Variants in COX18 observed in about 807,000 individuals in gnomAD.
COX18 encodes the protein cytochrome c oxidase assembly factor COX18, also known as cytochrome c oxidase assembly protein COX18, mitochondrial.
In COX18, 45 loss-of-function variants were observed where a neutral mutation model predicts 38.0. The ratio of observed to expected loss-of-function variants is 1.18; its 90% CI spans 0.93 to 1.52. COX18 has a LOEUF of 1.52. COX18 is among the 40% of genes most tolerant of loss of function. COX18 has a pLI of 0.00. For synonymous variants in COX18, 177 were observed against 169.8 expected (o/e 1.04, Z -0.33); for missense variants, 462 against 423.8 (o/e 1.09, Z -0.79).
At position 73,058,284 on chromosome 4, in the gene COX18, T is replaced by C. The variant is rs137890258; in HGVS notation, c.835A>G (p.Ile279Val). 50 of 1,603,622 alleles carry C rather than the reference T, an allele frequency of 3.1e-5. No homozygotes were observed. The highest frequency in any genetic ancestry group is 2.0e-4 in the African/African-American group (15 of 74,352). The change falls in exon 6 of 6, where the codon ATT becomes GTT. Residue 279 changes from isoleucine to valine, a missense_variant. Ile to Val is a conservative substitution (Grantham distance 29). Coordinates refer to ENST00000507544, the MANE Select transcript of COX18 (RefSeq NM_001297732.2). ...CTGGAGCATAACCAGTAGAGAACAA[T>C]TGACTATAAAGAGAAGACATAAATG... ...IPIAATVPSS[I>V]VLYWLCSSFV...
intron 2 of COX18, among the ~76,000 whole-genome samples, 188 bp downstream of exon 2, chr4:73,067,841 C>CAAA (rs1553907450): frequency 0.03 from 59 of 1,996 alleles, 22 homozygotes; most frequent in African/African-American, 0.054. Flanking sequence ...AACTCCGTCT[C>CAAA]AAAAAAAAAA....
At chr4:73,062,810 C>T (rs1231778477) in intron 4 of COX18, among the ~76,000 whole-genome samples, 1 of 150,538 alleles carries the variant, frequency 6.6e-6, no homozygotes, top group Admixed American at 6.7e-5. Context: ...GCACTCCAGC[C>T]TGGGTGACAG....
At chr4:73,064,653 C>A in intron 4 of COX18, 125 bp downstream of exon 4, 1 of 1,113,790 alleles carries the variant, frequency 9.0e-7, no homozygotes, top group Non-Finnish European at 1.3e-6. Flanking sequence ...GAACCAGGAA[C>A]CAAGGGATCT....
intron 4 of COX18, among the ~76,000 whole-genome samples, chr4:73,062,910 T>C (rs1014499917): frequency 1.3e-5 from 2 of 152,228 alleles, no homozygotes; most frequent in Non-Finnish European, 2.9e-5. Context: ...TACGTAGTTT[T>C]ACATTTTTAT....
intron 1 of COX18, among the ~76,000 whole-genome samples, chr4:73,068,905 TAAGA>T (rs1438133088): frequency 6.6e-6 from 1 of 152,222 alleles, no homozygotes; most frequent in African/African-American, 2.4e-5. Flanking sequence ...TTCTTCCTAA[TAAGA>T]AAGACCAGCT....
Position 73,068,131 on chromosome 4 carries a change from T to A in COX18, c.334-2A>T, listed in dbSNP as rs1419609611. The A allele has an allele frequency of 6.2e-7, 1 of 1,602,378 alleles. No individual in the cohort carries two copies. The highest frequency in any genetic ancestry group is 1.1e-5 in the South Asian group (1 of 89,980). On this transcript the variant is annotated splice_acceptor_variant, in intron 1 of 5. Transcript: ENST00000507544. LOFTEE classifies it high-confidence loss of function. ...TATTTCTGGCTGCAAATTTTCCACC[T>A]AGCTAAAAAATAGGTTTTGTTATGA...
chr4:73,061,908 G>T lies in COX18; in HGVS notation c.736C>A (p.Gln246Lys). Residue 246 changes from glutamine (Q) to lysine (K), a missense_variant, in exon 5 of 6, where the codon CAA becomes AAA. Transcript: ENST00000507544. The part of the protein sequence containing the change: ...NLLIVEICAL[Q>K]KIGMSRFQTY... ...TGAAAACGAGACATTCCAATTTTTT[G>T]TAGAGCACAAATCTGAAGGGGTAGA... 6.3e-7 allele frequency: 1 copy of T among 1,599,450 alleles called. No homozygotes were observed. The highest frequency in any genetic ancestry group is 8.6e-7 in the Non-Finnish European group (1 of 1,167,198).
rs1176037661 is a variant in COX18 at position 73,056,716 on chromosome 4, G to C, written c.*1398C>G. 1 of 152,112 alleles carries C rather than the reference G, an allele frequency of 6.6e-6. No homozygotes were observed. The highest frequency in any genetic ancestry group is 2.1e-4 in the South Asian group (1 of 4,828). 9.4% of individuals were successfully genotyped at this position (152,112 alleles called of 1,614,324 possible). ...GCCAGAAAATCTTCCTGGTAACAAG[G>C]AAGTCCCCGTATTGTGAGTCTTAAG... is the stretch of plus-strand genomic sequence containing the variant. On this transcript the variant is annotated 3_prime_UTR_variant, in exon 6 of 6. Transcript: ENST00000507544.
chr4:73,054,141 C>T lies in COX18; in HGVS notation c.*3973G>A, dbSNP rs1299623804. 1 of 152,170 alleles carries T rather than the reference C, an allele frequency of 6.6e-6. No individual in the cohort carries two copies. Among genetic ancestry groups the T allele is most frequent in the African/African-American group, 2.4e-5 (1 of 41,438 alleles). The allele number at this position is 152,170 out of a possible 1,614,324, so 9.4% of individuals were successfully genotyped here. On this transcript the variant is annotated 3_prime_UTR_variant, in exon 6 of 6. Transcript: ENST00000507544. ...CAGTCCTCATCTAAGGAGACAAAAA[C>T]CTTCCTGAACTCTGCAGGGCCCAGC...
At chr4:73,062,458 T>C (rs1720220765) in intron 4 of COX18, among the ~76,000 whole-genome samples, 1 of 152,196 alleles carries the variant, frequency 6.6e-6, no homozygotes, top group African/African-American at 2.4e-5. Context: ...ATGATTTATA[T>C]GGTAGCTATT....
Position 73,055,429 on chromosome 4 carries a change from T to C in COX18, c.*2685A>G, listed in dbSNP as rs1438163487. ...TTGTCAACAGAACAATGCAACATAT[T>C]GTTGATTCAGTAACACTGAACTCTC... On this transcript the variant is annotated 3_prime_UTR_variant, in exon 6 of 6. Transcript: ENST00000507544. 1 of 152,228 alleles carries C rather than the reference T, an allele frequency of 6.6e-6. No homozygotes were observed. Among genetic ancestry groups the C allele is most frequent in the African/African-American group, 2.4e-5 (1 of 41,446 alleles). The allele number at this position is 152,228 out of a possible 1,614,324, so 9.4% of individuals were successfully genotyped here.
Position 73,058,167 on chromosome 4 carries a change from G to A in COX18, c.952C>T (p.Pro318Ser). ...IPSTKSDSET[P>S]YKDIFAAFNT... The stretch of plus-strand genomic sequence containing the variant: ...AAGGCAGCAAATATGTCTTTATAAG[G>A]AGTTTCTGAATCTGACTTGGTCGAT... The change falls in exon 6 of 6, where the codon CCT becomes TCT. Residue 318 changes from proline (P) to serine (S), a missense_variant. By Grantham distance (74) the Pro-to-Ser change is moderately conservative. Coordinates refer to ENST00000507544, the MANE Select transcript of COX18 (RefSeq NM_001297732.2). 1 of 1,612,732 alleles carries A rather than the reference G, an allele frequency of 6.2e-7. No individual in the cohort carries two copies. The highest frequency in any genetic ancestry group is 8.5e-7 in the Non-Finnish European group (1 of 1,179,354).
chr4:73,062,008 T>TTC (rs1720194636), intron 4 of COX18, 88 bp from the exon 5 acceptor site: 22 of 535,270 alleles, frequency 4.1e-5, no homozygotes, highest in South Asian at 1.1e-4. Context: ...GATTTTTCAC[T>TTC]GGCCTCCATC....
At position 73,060,879 on chromosome 4, in the gene COX18, CAA is replaced by C. The variant is rs34253453; in HGVS notation, c.831+932_831+933del. 7.0e-3 allele frequency among the ~76,000 whole-genome samples: 888 copies of C among 127,350 alleles called. 3 individuals are homozygous for C. The highest frequency in any genetic ancestry group is 0.014 in the African/African-American group (468 of 34,224). 83.5% of individuals were successfully genotyped at this position (127,350 alleles called of 152,430 possible). ...TGGGCGACAGAGCAAGACTCCATCT[CAA>C]AAAAAAAAAAAAAAAATACTGTGAG... On this transcript the variant is annotated intron_variant, in intron 5 of 5. Transcript: ENST00000507544.
At chr4:73,065,446 G>C in intron 2 of COX18, 33 bp from the exon 3 acceptor site, 1 of 1,564,480 alleles carries the variant, frequency 6.4e-7, no homozygotes, top group Non-Finnish European at 8.7e-7. Context: ...AAAGGGGAAA[G>C]AGAAAATGTC....
chr4:73,067,090 A>G (rs1356296907), intron 2 of COX18, among the ~76,000 whole-genome samples: 1 of 152,202 alleles, frequency 6.6e-6, no homozygotes, highest in African/African-American at 2.4e-5. Flanking sequence ...CTTGGGCGCA[A>G]TCAAGCACCC....
chr4:73,058,835 G>A (rs781187525), intron 5 of COX18, among the ~76,000 whole-genome samples: 3 of 152,056 alleles, frequency 2.0e-5, no homozygotes, highest in Non-Finnish European at 4.4e-5. Context: ...CTTGAGCAGT[G>A]GTCCCCAACA....
Position 73,065,258 on chromosome 4 carries a change from T to A in COX18, c.590A>T (p.His197Leu). 1 of 1,612,080 alleles carries A rather than the reference T, an allele frequency of 6.2e-7. No individual in the cohort carries two copies. The highest frequency in any genetic ancestry group is 1.1e-5 in the South Asian group (1 of 90,904). ...ALRNLSTGAA[H>L]SEAGFSVQEQ... Reference sequence around the variant, plus strand: ...AGACATACAATAATTACCTTCTGAATGTGCTGCCCCCGTGCTTAAATTCCG... The same window carrying A: ...AGACATACAATAATTACCTTCTGAAAGTGCTGCCCCCGTGCTTAAATTCCG... Residue 197 changes from histidine to leucine, a missense_variant, in exon 3 of 6, where the codon CAT (histidine) becomes CTT (leucine). Coordinates refer to ENST00000507544, the MANE Select transcript of COX18 (RefSeq NM_001297732.2).
In COX18 at chr4:73,061,707, C is replaced by CAA. The variant is rs35931617; in HGVS notation, c.831+104_831+105dup. 9.5e-3 allele frequency: 3,516 copies of CAA among 369,124 alleles called. 7 individuals carry two copies. The highest frequency in any genetic ancestry group is 0.011 in the Admixed American group (193 of 16,948). 22.9% of individuals were successfully genotyped at this position (369,124 alleles called of 1,614,324 possible). A position where few individuals can be genotyped will look rare whatever the true frequency, so the allele number is the denominator to read the frequency against. ...TGGGTGACAGAGCGAGACTCCGTCT[C>CAA]AAAAAAAAAAAAAAAAAAAAAAAGA... is the stretch of plus-strand genomic sequence containing the variant. On this transcript the variant is annotated intron_variant, in intron 5 of 5. Coordinates refer to ENST00000507544, the MANE Select transcript of COX18 (RefSeq NM_001297732.2).
Sources: allele counts gnomAD v4.1 joint callset (sites outside exome capture counted in the v4.1 genomes callset), GRCh38; gene constraint gnomAD v4.1.1; transcripts MANE v1.5; gene names NCBI Gene and HGNC (gene_info 2026-07-23, HGNC 2026-07-21).